The following PRSS12 variants were observed in gnomAD, a reference collection of about 807,000 sequenced individuals.
PRSS12 encodes the protein neurotrypsin.
A neutral mutation model predicts 104.4 loss-of-function variants in PRSS12; 85 were observed. The observed-to-expected ratio is 0.81, with a 90% CI of 0.68 to 0.98. PRSS12 has a LOEUF of 0.98. PRSS12 is among the 50% of genes least tolerant of loss of function. PRSS12 has a pLI of 0.00. For missense variants in PRSS12, 1,141 were observed against 1,139.2 expected, an observed-to-expected ratio of 1.00 and a Z score of -0.02; for synonymous variants, 454 against 425.2, an observed-to-expected ratio of 1.07 and a Z score of -0.83.
At chr4:118,345,644 C>T (rs952202537) in intron 1 of PRSS12, among the ~76,000 whole-genome samples, 3 of 152,022 alleles carry the variant, frequency 2.0e-5, no homozygotes, top group African/African-American at 4.8e-5. Flanking sequence ...GATATAAATG[C>T]GTCATAATAT....
intron 1 of PRSS12, among the ~76,000 whole-genome samples, chr4:118,349,949 G>A (rs970084349): frequency 4.6e-5 from 7 of 151,954 alleles, no homozygotes; most frequent in Admixed American, 3.9e-4. Context: ...GTTGCAGTGA[G>A]CTGAGATTGC....
At chr4:118,342,620 G>C (rs1021890905) in intron 1 of PRSS12, among the ~76,000 whole-genome samples, 1 of 152,182 alleles carries the variant, frequency 6.6e-6, no homozygotes, top group Non-Finnish European at 1.5e-5. Flanking sequence ...AGTAAAGGAA[G>C]AAAGTCTGGA....
At chr4:118,329,080 C>T (rs765816952) in intron 4 of PRSS12, among the ~76,000 whole-genome samples, 1 of 152,154 alleles carries the variant, frequency 6.6e-6, no homozygotes, top group Non-Finnish European at 1.5e-5. Context: ...GTGTGAGCCA[C>T]CGTGCCCAGC....
intron 11 of PRSS12, among the ~76,000 whole-genome samples, chr4:118,287,618 G>C (rs1446914618): frequency 1.3e-5 from 2 of 152,130 alleles, no homozygotes; most frequent in Non-Finnish European, 2.9e-5. Context: ...TTGTCTTCTA[G>C]TGTCACCTCT....
chr4:118,322,914 A>G (rs1723672865), intron 4 of PRSS12, among the ~76,000 whole-genome samples: 1 of 151,932 alleles, frequency 6.6e-6, no homozygotes, highest in African/African-American at 2.4e-5. Flanking sequence ...TATAAACGCC[A>G]GGAAAAAAAA....
At chr4:118,327,443 TG>T (rs943077127) in intron 4 of PRSS12, among the ~76,000 whole-genome samples, 1 of 152,060 alleles carries the variant, frequency 6.6e-6, no homozygotes, top group Non-Finnish European at 1.5e-5. Context: ...TGAGACACCA[TG>T]CCTGGCAAAA....
intron 8 of PRSS12, among the ~76,000 whole-genome samples, chr4:118,299,557 G>T (rs1743339609): frequency 6.6e-6 from 1 of 151,606 alleles, no homozygotes; most frequent in Non-Finnish European, 1.5e-5. Flanking sequence ...GCACGTGCTT[G>T]TAATCCCAGC....
Position 118,308,524 on chromosome 4 carries a change from C to T in PRSS12, c.1543G>A (p.Val515Ile), listed in dbSNP as rs773097944. 6.2e-7 allele frequency: 1 copy of T among 1,614,038 alleles called. No individual in the cohort carries two copies. The highest frequency in any genetic ancestry group is 1.1e-5 in the South Asian group (1 of 91,078). The change falls in exon 8 of 13, where the codon GTT becomes ATT. Residue 515 changes from valine (V) to isoleucine (I), a missense_variant. By Grantham distance (29) the Val-to-Ile change is conservative. Transcript: ENST00000296498. ...GTTCCCCACTGGCCATTGATAAAAA[C>T]CTCCACTCGTCCTTCTTTCTTATTT... ...GENKKEGRVE[V>I]FINGQWGTIC...
rs1742897540 is a variant in PRSS12 at position 118,282,233 on chromosome 4, A to G, written c.2331T>C (p.Tyr777=). The change falls in exon 13 of 13, where the codon TAT becomes TAC. Residue 777 remains tyrosine (Y), a synonymous_variant. Coordinates refer to ENST00000296498, the MANE Select transcript of PRSS12 (RefSeq NM_003619.4). ...TGGCTGCTTGTTGTAGTGTTCTTGA[A>G]TAGGCTCGTCCTACTCAGACCAAAC... The part of the protein sequence containing the change: ...ITGWGDTGRA[Y]SRTLQQAAIP... 3 of 1,614,180 alleles carry G rather than the reference A, an allele frequency of 1.9e-6. No homozygotes were observed. The highest frequency in any genetic ancestry group is 2.5e-6 in the Non-Finnish European group (3 of 1,180,044).
At chr4:118,325,127 T>C (rs938226089) in intron 4 of PRSS12, among the ~76,000 whole-genome samples, 2 of 151,578 alleles carry the variant, frequency 1.3e-5, no homozygotes, top group African/African-American at 4.8e-5. Flanking sequence ...CCTAAGTGAA[T>C]TAACACAGGA....
chr4:118,294,899 T>A (rs3828500), intron 11 of PRSS12, 40 bp downstream of exon 11: 2 of 1,611,268 alleles, frequency 1.2e-6, no homozygotes, highest in African/African-American at 2.7e-5. Context: ...AACTGATGAA[T>A]AGAAGCTACA....
intron 5 of PRSS12, among the ~76,000 whole-genome samples, chr4:118,316,854 A>ATATATATT: frequency 1.4e-5 from 2 of 146,518 alleles, no homozygotes; most frequent in Admixed American, 1.4e-4. Flanking sequence ...ATATATATAT[A>ATATATATT]TATCTTTCCT....
chr4:118,352,913 C>G lies in PRSS12; in HGVS notation c.-193G>C, dbSNP rs1325848449. 5.2e-6 allele frequency: 7 copies of G among 1,349,990 alleles called. No individual in the cohort carries two copies. The highest frequency in any genetic ancestry group is 1.7e-5 in the South Asian group (1 of 60,254). The allele number at this position is 1,349,990 out of a possible 1,614,324, so 83.6% of individuals were successfully genotyped here. ...TGCCCTGCCGCGCCTCGGCTCCTGTCCCCTGGCGGCGGCCGCGGGTGGGGA... is the reference window on the plus strand; with the variant it reads ...TGCCCTGCCGCGCCTCGGCTCCTGTGCCCTGGCGGCGGCCGCGGGTGGGGA... On this transcript the variant is annotated 5_prime_UTR_variant, in exon 1 of 13. Coordinates refer to ENST00000296498, the MANE Select transcript of PRSS12 (RefSeq NM_003619.4).
At chr4:118,311,550 G>A (rs181791034) in intron 7 of PRSS12, among the ~76,000 whole-genome samples, 2 of 152,236 alleles carry the variant, frequency 1.3e-5, no homozygotes, top group East Asian at 3.9e-4. Flanking sequence ...ATAGGTGGAA[G>A]TAATGATCTA....
In PRSS12 at chr4:118,282,969, C is replaced by G; in HGVS notation, c.2182G>C (p.Ala728Pro). ...YRPDRSDYDI[A>P]LVRLQGPEEQ... ...TCTGGTCCTTGTAATCTAACCAGGG[C>G]TATGTCATAATCACTGCGGTCGGGT... is the stretch of plus-strand genomic sequence containing the variant. Residue 728 changes from alanine to proline, a missense_variant, in exon 12 of 13, where the codon GCC (alanine) becomes CCC (proline). Ala to Pro is a conservative substitution (Grantham distance 27, BLOSUM62 -1). Transcript: ENST00000296498. 1 of 1,614,096 alleles carries G rather than the reference C, an allele frequency of 6.2e-7. No homozygotes were observed. Among genetic ancestry groups the G allele is most frequent in the Non-Finnish European group, 8.5e-7 (1 of 1,180,002 alleles).
chr4:118,295,786 AT>A lies in PRSS12; in HGVS notation c.1907del (p.Asn636IlefsTer3). On this transcript the variant is annotated frameshift_variant, in exon 10 of 13. Coordinates refer to ENST00000296498, the MANE Select transcript of PRSS12 (RefSeq NM_003619.4). LOFTEE classifies it high-confidence loss of function. ...TTTGGAGGAACATTTACCTTAAAGA[AT>A]TTTTCCCACCAATGATCCGCTTCTG... ...RRQKRIIGGK[N>X]SLRGGWPWQV... 1 of 1,613,374 alleles carries A rather than the reference AT, an allele frequency of 6.2e-7. No homozygotes were observed. The highest frequency in any genetic ancestry group is 8.5e-7 in the Non-Finnish European group (1 of 1,179,336).
chr4:118,293,698 T>C lies in PRSS12; in HGVS notation c.2039+1241A>G, dbSNP rs979669357. 3.9e-5 allele frequency among the ~76,000 whole-genome samples: 6 copies of C among 152,298 alleles called. No individual in the cohort carries two copies. In the East Asian group the frequency reaches 9.6e-4, roughly 24 times the overall value. Reference sequence around the variant, plus strand: ...CAATTAAAAAGAAACCCCAAAACTTTGTGATTGGCAAAAAATTTAAAATTT... The same window carrying C: ...CAATTAAAAAGAAACCCCAAAACTTCGTGATTGGCAAAAAATTTAAAATTT... On this transcript the variant is annotated intron_variant, in intron 11 of 12. Transcript: ENST00000296498.
chr4:118,313,532 G>C, intron 6 of PRSS12, 135 bp from the exon 7 acceptor site: 1 of 957,336 alleles, frequency 1.0e-6, no homozygotes, highest in Non-Finnish European at 1.6e-6. Flanking sequence ...TCCTACCTTG[G>C]GGACGCAGTT....
In PRSS12 at chr4:118,280,108, C is replaced by A. The variant is rs1742801890; in HGVS notation, c.*1828G>T. 1 of 152,250 alleles carries A rather than the reference C, an allele frequency of 6.6e-6. No individual in the cohort carries two copies. The highest frequency in any genetic ancestry group is 1.5e-5 in the Non-Finnish European group (1 of 68,046). 9.4% of individuals were successfully genotyped at this position (152,250 alleles called of 1,614,324 possible). A position where few individuals can be genotyped will look rare whatever the true frequency, so the allele number is the denominator to read the frequency against. The stretch of plus-strand genomic sequence containing the variant: ...ACACTTGTATCTTTCAAAAGTCACA[C>A]TTAAGACATAGTAAAAGCATGTTGT... On this transcript the variant is annotated 3_prime_UTR_variant, in exon 13 of 13. Transcript: ENST00000296498.
Sources: allele counts gnomAD v4.1 joint callset (sites outside exome capture counted in the v4.1 genomes callset), GRCh38; gene constraint gnomAD v4.1.1; transcripts MANE v1.5; gene names NCBI Gene and HGNC (gene_info 2026-07-23, HGNC 2026-07-21).